HCN1: variants seen among roughly 807,000 people sequenced by gnomAD.
The protein encoded by HCN1 is hyperpolarization activated cyclic nucleotide gated potassium channel 1.
A neutral mutation model predicts 78.9 loss-of-function variants in HCN1; 13 were observed. The ratio of observed to expected loss-of-function variants is 0.16; its 90% CI spans 0.11 to 0.26. The LOEUF is 0.26. Ranked by LOEUF, HCN1 falls within the 10% of genes least tolerant of loss-of-function variation. The pLI, the probability that HCN1 is intolerant of heterozygous loss-of-function variation, is 1.00. For synonymous variants in HCN1, 552 were observed against 455.5 expected (o/e 1.21, Z -2.70); for missense variants, 810 against 1,154.3 (o/e 0.70, Z 4.32).
At position 45,674,012 on chromosome 5, in the gene HCN1, G is replaced by A. The variant is rs1292389932; in HGVS notation, c.425+21657C>T. Among the ~76,000 whole-genome samples the A allele has an allele frequency of 2.6e-5, 4 of 151,390 alleles. No individual in the cohort carries two copies. In the East Asian group the frequency reaches 7.8e-4, roughly 29 times the overall value. On this transcript the variant is annotated intron_variant, in intron 1 of 7. Coordinates refer to ENST00000303230, the MANE Select transcript of HCN1 (RefSeq NM_021072.4). ...TAAGGCAAAATAAATTTTTCTCTTT[G>A]ACAAAAGACCATACCAAGGCATTAA...
At position 45,498,204 on chromosome 5, in the gene HCN1, C is replaced by A. The variant is rs543915505; in HGVS notation, c.850-36197G>T. On this transcript the variant is annotated intron_variant, in intron 2 of 7. Coordinates refer to ENST00000303230, the MANE Select transcript of HCN1 (RefSeq NM_021072.4). ...GTTTTCCAACTTGGTTCCATTCTCCCCATCACTTTCAGGTACACCAATCAG... is the reference window on the plus strand; with the variant it reads ...GTTTTCCAACTTGGTTCCATTCTCCACATCACTTTCAGGTACACCAATCAG... Among the ~76,000 whole-genome samples the A allele has an allele frequency of 1.6e-4, 24 of 152,272 alleles. No individual in the cohort carries two copies. In the South Asian group the frequency reaches 2.3e-3, roughly 14 times the overall value.
At chr5:45,365,629 C>T (rs771210424) in intron 4 of HCN1, among the ~76,000 whole-genome samples, 2 of 151,756 alleles carry the variant, frequency 1.3e-5, no homozygotes, top group African/African-American at 4.8e-5. Context: ...TTTGTCATTG[C>T]GAATAGGGCT....
At chr5:45,348,860 C>A (rs1014216127) in intron 5 of HCN1, among the ~76,000 whole-genome samples, 1 of 152,136 alleles carries the variant, frequency 6.6e-6, no homozygotes, top group African/African-American at 2.4e-5. Flanking sequence ...CAGGAGCACC[C>A]AGATTCATAA....
At chr5:45,414,447 C>A (rs1347812828) in intron 3 of HCN1, among the ~76,000 whole-genome samples, 1 of 152,008 alleles carries the variant, frequency 6.6e-6, no homozygotes, top group African/African-American at 2.4e-5. Flanking sequence ...ACACAAACAT[C>A]CCAAATCTGT....
At chr5:45,550,353 T>C (rs929950481) in intron 2 of HCN1, among the ~76,000 whole-genome samples, 6 of 152,150 alleles carry the variant, frequency 3.9e-5, no homozygotes, top group Non-Finnish European at 5.9e-5. Flanking sequence ...TGTAGGGACA[T>C]GGATGACCTG....
chr5:45,525,060 A>G lies in HCN1; in HGVS notation c.850-63053T>C, dbSNP rs144042101. ...AATACCTAATTTATTGAGAGTTTTT[A>G]GCATGAAGGGCTGTTGAATTTTGTC... On this transcript the variant is annotated intron_variant, in intron 2 of 7. Transcript: ENST00000303230. Among the ~76,000 whole-genome samples the G allele has an allele frequency of 8.6e-3, 1,311 of 152,258 alleles. 26 individuals carry two copies. The highest frequency in any genetic ancestry group is 0.031 in the African/African-American group (1,284 of 41,556).
chr5:45,370,664 G>A (rs1421451935), intron 4 of HCN1, among the ~76,000 whole-genome samples: 2 of 151,978 alleles, frequency 1.3e-5, no homozygotes, highest in African/African-American at 4.8e-5. Context: ...ATATATGTGT[G>A]TGCTTATTTA....
At chr5:45,396,782 A>G in intron 3 of HCN1, 72 bp from the exon 4 acceptor site, 2 of 1,089,950 alleles carry the variant, frequency 1.8e-6, no homozygotes, top group Non-Finnish European at 2.8e-6. Flanking sequence ...TAGGACCTGT[A>G]CACAGAAGCA....
intron 4 of HCN1, among the ~76,000 whole-genome samples, chr5:45,377,934 G>A (rs1245455638): frequency 1.3e-5 from 2 of 151,760 alleles, no homozygotes; most frequent in Middle Eastern, 3.2e-3. Flanking sequence ...ATTAAGAAAG[G>A]GGATCTCCTT....
chr5:45,608,830 A>C (rs1744776790), intron 2 of HCN1, among the ~76,000 whole-genome samples: 1 of 152,064 alleles, frequency 6.6e-6, no homozygotes, highest in African/African-American at 2.4e-5. Flanking sequence ...AATAAGTACA[A>C]AGAAAAAAGT....
intron 2 of HCN1, among the ~76,000 whole-genome samples, chr5:45,512,889 T>C (rs1015987430): frequency 5.3e-5 from 8 of 152,136 alleles, no homozygotes; most frequent in African/African-American, 1.2e-4. Flanking sequence ...GGTTTTTAGA[T>C]AGAGTGAAGT....
At chr5:45,646,759 A>G (rs996132163) in intron 1 of HCN1, among the ~76,000 whole-genome samples, 1 of 152,118 alleles carries the variant, frequency 6.6e-6, no homozygotes, top group Non-Finnish European at 1.5e-5. Context: ...TATTAATCAA[A>G]TATTTATAGT....
intron 4 of HCN1, among the ~76,000 whole-genome samples, chr5:45,372,138 A>AT (rs1561128002): frequency 1.9e-4 from 10 of 52,868 alleles, no homozygotes; most frequent in Admixed American, 3.8e-4. Flanking sequence ...ATATAATATA[A>AT]TAATATATTA....
At chr5:45,443,217 T>A (rs1740718231) in intron 3 of HCN1, among the ~76,000 whole-genome samples, 1 of 152,090 alleles carries the variant, frequency 6.6e-6, no homozygotes, top group Admixed American at 6.6e-5. Flanking sequence ...TACAGGGCAC[T>A]GGATTGGACT....
rs182573587 is a variant in HCN1, at chr5:45,578,392, C to A, written c.849+66793G>T. ...AAATATGTGGAGCCTTCTGACTCAA[C>A]ATGCAGCACATATTGTTTATTTTCT... On this transcript the variant is annotated intron_variant, in intron 2 of 7. Transcript: ENST00000303230. 1.6e-3 allele frequency among the ~76,000 whole-genome samples: 243 copies of A among 151,932 alleles called. 1 individual carries two copies. The highest frequency in any genetic ancestry group is 5.7e-3 in the African/African-American group (237 of 41,474).
Position 45,695,799 on chromosome 5 carries a change from T to C in HCN1, c.295A>G (p.Thr99Ala). ...TTGACCCCGGGCTGCAGCATGGAGG[T>C]GAACTGCCTCTGCATGAAGCCGTAC... is the stretch of plus-strand genomic sequence containing the variant. ...RQYGFMQRQF[T>A]SMLQPGVNKF... is the part of the protein sequence containing the mutation. Residue 99 changes from threonine (T) to alanine (A), a missense_variant, in exon 1 of 8, where the codon ACC becomes GCC. Physicochemically the swap from Thr to Ala is moderately conservative, Grantham distance 58. This residue lies in a region of HCN1 where 170 missense variants were observed against 166.8 expected (regional missense o/e 1.02). Coordinates refer to ENST00000303230, the MANE Select transcript of HCN1 (RefSeq NM_021072.4). 3.7e-6 allele frequency: 6 copies of C among 1,610,460 alleles called. No homozygotes were observed. The highest frequency in any genetic ancestry group is 2.2e-5 in the South Asian group (2 of 91,046).
intron 1 of HCN1, among the ~76,000 whole-genome samples, chr5:45,679,289 T>C (rs1739658252): frequency 6.6e-6 from 1 of 152,004 alleles, no homozygotes; most frequent in African/African-American, 2.4e-5. Context: ...CTCTAAGGAC[T>C]CAGTGAGGTA....
chr5:45,323,761 G>C (rs781254974), intron 5 of HCN1, among the ~76,000 whole-genome samples: 1 of 151,688 alleles, frequency 6.6e-6, no homozygotes, highest in East Asian at 1.9e-4. Context: ...TCCCCTTCCT[G>C]TGTCTCTGTG....
chr5:45,653,823 G>C (rs1457656234), intron 1 of HCN1, among the ~76,000 whole-genome samples: 1 of 152,036 alleles, frequency 6.6e-6, no homozygotes, highest in Non-Finnish European at 1.5e-5. Context: ...AATGCTAGAT[G>C]ACGAGTTAGT....
Sources: allele counts gnomAD v4.1 joint callset (sites outside exome capture counted in the v4.1 genomes callset), GRCh38; gene constraint gnomAD v4.1.1; regional missense constraint gnomAD v4.1.1; transcripts MANE v1.5; gene names NCBI Gene and HGNC (gene_info 2026-07-23, HGNC 2026-07-21).